CDH13: variants seen among roughly 807,000 people sequenced by gnomAD.
CDH13 encodes cadherin 13, also known as cadherin-13.
In CDH13, 24 loss-of-function variants were observed where a neutral mutation model predicts 63.8. That is an observed-to-expected ratio of 0.38 (90% CI 0.27 to 0.53). The LOEUF is 0.53. Ranked by LOEUF, CDH13 falls within the 20% of genes least tolerant of loss-of-function variation. CDH13 has a pLI of 0.85. For missense variants in CDH13, 1,049 were observed against 903.1 expected, an observed-to-expected ratio of 1.16 and a Z score of -2.07; for synonymous variants, 503 against 355.3, an observed-to-expected ratio of 1.42 and a Z score of -4.67.
chr16:83,791,906 A>G (rs1050341023), intron 13 of CDH13, among the ~76,000 whole-genome samples: 1 of 152,208 alleles, frequency 6.6e-6, no homozygotes, highest in African/African-American at 2.4e-5. Context: ...CATAAAACAA[A>G]ATGCATCCGT....
intron 10 of CDH13, among the ~76,000 whole-genome samples, chr16:83,727,119 G>A (rs982707432): frequency 6.6e-6 from 1 of 151,980 alleles, no homozygotes; most frequent in African/African-American, 2.4e-5. Flanking sequence ...CACCGCCCTC[G>A]ATTTTAGAAC....
chr16:83,196,142 G>A (rs747661334), intron 4 of CDH13, among the ~76,000 whole-genome samples: 2 of 152,218 alleles, frequency 1.3e-5, no homozygotes, highest in African/African-American at 4.8e-5. Context: ...TGTAGTGCCA[G>A]CTACTCGGGA....
intron 7 of CDH13, among the ~76,000 whole-genome samples, chr16:83,495,539 G>A (rs1458172358): frequency 1.3e-5 from 2 of 152,150 alleles, no homozygotes; most frequent in Admixed American, 1.3e-4. Flanking sequence ...CAAGAAAAAG[G>A]CATGAGAAGG....
At chr16:83,239,429 G>C (rs1439533795) in intron 5 of CDH13, among the ~76,000 whole-genome samples, 1 of 152,088 alleles carries the variant, frequency 6.6e-6, no homozygotes, top group Non-Finnish European at 1.5e-5. Flanking sequence ...ATTTGTTGTG[G>C]TGATATTCAC....
At chr16:83,042,385 G>T (rs1157963337) in intron 3 of CDH13, among the ~76,000 whole-genome samples, 1 of 152,178 alleles carries the variant, frequency 6.6e-6, no homozygotes, top group East Asian at 1.9e-4. Context: ...AAGAGATCTA[G>T]GTTGCACCCT....
intron 1 of CDH13, among the ~76,000 whole-genome samples, chr16:82,665,696 C>T (rs1912500442): frequency 2.0e-5 from 3 of 151,980 alleles, no homozygotes; most frequent in African/African-American, 7.2e-5. Flanking sequence ...GGACTCTGCC[C>T]AACTCCAGAC....
intron 2 of CDH13, among the ~76,000 whole-genome samples, chr16:82,989,265 C>G (rs1312696264): frequency 6.6e-6 from 1 of 152,130 alleles, no homozygotes; most frequent in East Asian, 1.9e-4. Flanking sequence ...TGACATCACT[C>G]ACAAGTACAA....
rs371887394 is a variant in CDH13 at position 82,950,060 on chromosome 16, T to A, written c.158-81950T>A. Among the ~76,000 whole-genome samples, 33 of 152,234 alleles carry A rather than the reference T, an allele frequency of 2.2e-4. No individual in the cohort carries two copies. In the East Asian group the frequency reaches 6.2e-3, roughly 29 times the overall value. On this transcript the variant is annotated intron_variant, in intron 2 of 13. Coordinates refer to ENST00000567109, the MANE Select transcript of CDH13 (RefSeq NM_001257.5). ...GTGTCTTAGTTCACTAGGGCTCCTA[T>A]AACAAAGTGCCACAAACTGGGTGGC...
At chr16:82,966,211 C>G (rs1238967564) in intron 2 of CDH13, among the ~76,000 whole-genome samples, 1 of 152,134 alleles carries the variant, frequency 6.6e-6, no homozygotes, top group African/African-American at 2.4e-5. Flanking sequence ...TGCAGTGGTG[C>G]GATCTCGGCC....
intron 5 of CDH13, among the ~76,000 whole-genome samples, chr16:83,334,071 G>T (rs559212573): frequency 7.9e-5 from 12 of 152,094 alleles, no homozygotes; most frequent in Non-Finnish European, 1.8e-4. Flanking sequence ...GCTTCTAAAG[G>T]CCACGCACAT....
chr16:83,320,830 C>G (rs2090207696), intron 5 of CDH13, among the ~76,000 whole-genome samples: 1 of 152,164 alleles, frequency 6.6e-6, no homozygotes, highest in African/African-American at 2.4e-5. Flanking sequence ...AGATCTCTGG[C>G]TTAGGCTACG....
intron 1 of CDH13, among the ~76,000 whole-genome samples, chr16:82,805,878 A>T (rs534361333): frequency 2.0e-5 from 3 of 152,298 alleles, no homozygotes; most frequent in South Asian, 4.1e-4. Flanking sequence ...TGCAAATAAG[A>T]CAACTGTCTG....
chr16:83,690,885 C>G (rs1241298922), intron 10 of CDH13, among the ~76,000 whole-genome samples: 1 of 152,040 alleles, frequency 6.6e-6, no homozygotes, highest in Non-Finnish European at 1.5e-5. Flanking sequence ...CCACACCCAG[C>G]TAATTTTTGT....
chr16:82,638,878 G>A (rs12444113), intron 1 of CDH13, among the ~76,000 whole-genome samples: 1 of 151,020 alleles, frequency 6.6e-6, no homozygotes, highest in Non-Finnish European at 1.5e-5. Flanking sequence ...CTTGTTTAAA[G>A]TACCTCCATG....
intron 7 of CDH13, among the ~76,000 whole-genome samples, chr16:83,532,554 G>A (rs965981079): frequency 6.6e-6 from 1 of 152,222 alleles, no homozygotes; most frequent in Non-Finnish European, 1.5e-5. Flanking sequence ...CTCAGCGCTA[G>A]TGCATGGTAG....
At chr16:82,789,475 G>A (rs2036182500) in intron 1 of CDH13, among the ~76,000 whole-genome samples, 1 of 152,184 alleles carries the variant, frequency 6.6e-6, no homozygotes, top group African/African-American at 2.4e-5. Context: ...ACTTAGTGGT[G>A]TGGCTTTGAA....
At chr16:83,523,666 T>C (rs2074892501) in intron 7 of CDH13, among the ~76,000 whole-genome samples, 1 of 152,204 alleles carries the variant, frequency 6.6e-6, no homozygotes, top group South Asian at 2.1e-4. Flanking sequence ...CCCTGGCAGC[T>C]GGCTTGGGCT....
At chr16:83,408,177 C>G (rs2092075394) in intron 6 of CDH13, among the ~76,000 whole-genome samples, 1 of 152,180 alleles carries the variant, frequency 6.6e-6, no homozygotes, top group East Asian at 1.9e-4. Flanking sequence ...GTGACTATGA[C>G]TGTATCACTC....
intron 2 of CDH13, among the ~76,000 whole-genome samples, chr16:82,914,466 T>G (rs2041924180): frequency 6.6e-6 from 1 of 152,218 alleles, no homozygotes; most frequent in Non-Finnish European, 1.5e-5. Context: ...TTTTGTTTTT[T>G]CACCTTGACT....
Sources: allele counts gnomAD v4.1 joint callset (sites outside exome capture counted in the v4.1 genomes callset), GRCh38; gene constraint gnomAD v4.1.1; transcripts MANE v1.5; gene names NCBI Gene and HGNC (gene_info 2026-07-23, HGNC 2026-07-21).